SMARCA2: variants seen among roughly 807,000 people sequenced by gnomAD.
SMARCA2 encodes SWI/SNF related BAF chromatin remodeling complex subunit ATPase 2, also known as SWI/SNF-related matrix-associated actin-dependent regulator of chromatin subfamily A member 2.
In SMARCA2, 61 loss-of-function variants were observed where a neutral mutation model predicts 199.8. The ratio of observed to expected loss-of-function variants is 0.31; its 90% CI spans 0.25 to 0.38. The LOEUF (loss-of-function observed/expected upper bound fraction) is 0.38, where lower values mean the gene tolerates loss of function less well. Among genes scored for constraint, SMARCA2 ranks in the 10% least tolerant of loss-of-function variants. The pLI is 1.00. For missense variants in SMARCA2, 1,344 were observed against 2,012.2 expected, an observed-to-expected ratio of 0.67 and a Z score of 6.35; for synonymous variants, 935 against 732.0, an observed-to-expected ratio of 1.28 and a Z score of -4.48.
intron 1 of SMARCA2, among the ~76,000 whole-genome samples, chr9:2,023,449 A>G (rs1426188454): frequency 2.0e-5 from 3 of 152,230 alleles, no homozygotes; most frequent in Admixed American, 1.3e-4. Flanking sequence ...ACGAATGGGA[A>G]AGTGTTGTGA....
intron 18 of SMARCA2, among the ~76,000 whole-genome samples, chr9:2,087,892 C>T (rs1289780419): frequency 1.3e-5 from 2 of 152,096 alleles, no homozygotes; most frequent in Non-Finnish European, 2.9e-5. Flanking sequence ...ACTCTGCCCC[C>T]TAGAGGTTAA....
At chr9:2,080,077 G>C (rs1387120669) in intron 14 of SMARCA2, 1 of 152,294 alleles carries the variant, frequency 6.6e-6, no homozygotes, top group Non-Finnish European at 1.5e-5. Context: ...AGTTCAAGTT[G>C]TGGCTCAAAC....
intron 33 of SMARCA2, chr9:2,192,191 G>A (rs1287823123): frequency 1.1e-5 from 2 of 179,906 alleles, no homozygotes; most frequent in South Asian, 2.7e-4. Context: ...TCACTTTCCA[G>A]AGGATGGTTT....
Position 2,097,400 on chromosome 9 carries a change from A to G in SMARCA2, c.3007A>G (p.Lys1003Glu). The change falls in exon 21 of 34, where the codon AAG becomes GAG. Residue 1003 changes from lysine to glutamate, a missense_variant. By Grantham distance (56) the Lys-to-Glu change is moderately conservative. Transcript: ENST00000349721. ...TGGTTCTTAGGGGAAAGGAGGTGCT[A>G]AGACACTTATGAACACTATTATGCA... is the stretch of plus-strand genomic sequence containing the variant. ...EKDKKGKGGA[K>E]TLMNTIMQLR... 6.2e-7 allele frequency: 1 copy of G among 1,609,108 alleles called. No homozygotes were observed. Among genetic ancestry groups the G allele is most frequent in the Non-Finnish European group, 8.5e-7 (1 of 1,176,230 alleles).
intron 19 of SMARCA2, among the ~76,000 whole-genome samples, chr9:2,091,565 T>C (rs561130961): frequency 1.6e-4 from 25 of 152,214 alleles, no homozygotes; most frequent in Admixed American, 7.9e-4. Context: ...AAACTTTTCA[T>C]GTACAGGTTT....
chr9:2,168,487 A>G (rs768413876), intron 28 of SMARCA2, among the ~76,000 whole-genome samples: 1 of 152,204 alleles, frequency 6.6e-6, no homozygotes, highest in Non-Finnish European at 1.5e-5. Flanking sequence ...CCCATTCTCC[A>G]GAAGGGCAGG....
At chr9:2,154,233 A>C (rs1206188899) in intron 27 of SMARCA2, among the ~76,000 whole-genome samples, 1 of 152,208 alleles carries the variant, frequency 6.6e-6, no homozygotes, top group East Asian at 1.9e-4. Context: ...GGCTGTCAAC[A>C]CAGCAAACGT....
chr9:2,135,850 C>CT (rs921725252), intron 27 of SMARCA2, among the ~76,000 whole-genome samples: 6 of 150,856 alleles, frequency 4.0e-5, no homozygotes, highest in Non-Finnish European at 7.4e-5. Context: ...GCAACTTTTA[C>CT]TTTTTTTTTG....
At chr9:2,175,454 C>A (rs1176819616) in intron 29 of SMARCA2, among the ~76,000 whole-genome samples, 1 of 152,084 alleles carries the variant, frequency 6.6e-6, no homozygotes. Flanking sequence ...TTGCAACATA[C>A]AACATATTAA....
At chr9:2,085,544 C>A (rs929703206) in intron 17 of SMARCA2, among the ~76,000 whole-genome samples, 3 of 152,084 alleles carry the variant, frequency 2.0e-5, no homozygotes, top group Non-Finnish European at 4.4e-5. Context: ...TGTCTGCTTG[C>A]CTCTTTTCAT....
At chr9:2,136,179 C>A (rs907154673) in intron 27 of SMARCA2, among the ~76,000 whole-genome samples, 7 of 147,394 alleles carry the variant, frequency 4.7e-5, no homozygotes, top group Admixed American at 3.3e-4. Context: ...ATAATTATCC[C>A]CTGCTTCTTT....
chr9:2,039,794 G>A lies in SMARCA2; in HGVS notation c.684G>A (p.Gln228=), dbSNP rs1452991794. ...AGCAGCAACAGCAGCAGCAGCAGCA[G>A]CAGCAGCAGCAGCAGCAGCAGCAAC... The part of the protein sequence containing the change: ...QQQQQQQQQQ[Q]QQQQQQQQQQ... Residue 228 remains glutamine, a synonymous_variant, in exon 4 of 34, where the codon CAG becomes CAA. Transcript: ENST00000349721. The surrounding 1 kb of genome is among the most constrained non-coding windows in gnomAD (Gnocchi z 4.8). The A allele has an allele frequency of 8.5e-6, 13 of 1,525,452 alleles. No homozygotes were observed. Among genetic ancestry groups the A allele is most frequent in the Non-Finnish European group, 9.9e-6 (11 of 1,106,156 alleles). 94.5% of individuals were successfully genotyped at this position (1,525,452 alleles called of 1,614,324 possible).
intron 9 of SMARCA2, among the ~76,000 whole-genome samples, chr9:2,064,458 A>G (rs1288392112): frequency 6.6e-6 from 1 of 152,234 alleles, no homozygotes; most frequent in East Asian, 1.9e-4. Flanking sequence ...AGTAAACATT[A>G]TTTCATCAAG....
At position 2,182,145 on chromosome 9, in the gene SMARCA2, G is replaced by A; in HGVS notation, c.4364G>A (p.Arg1455Lys). The A allele has an allele frequency of 6.3e-7, 1 of 1,599,408 alleles. No homozygotes were observed. Among genetic ancestry groups the A allele is most frequent in the Non-Finnish European group, 8.6e-7 (1 of 1,167,630 alleles). Residue 1455 changes from arginine to lysine, a missense_variant, in exon 31 of 34, where the codon AGG (arginine) becomes AAG (lysine). Around this residue, in one of 18 missense-constraint regions of SMARCA2, gnomAD observed 151 missense variants for 154.0 expected, o/e 0.98. Coordinates refer to ENST00000349721, the MANE Select transcript of SMARCA2 (RefSeq NM_003070.5). ...TTTCTCCAAAATTTCCATCAGGAAA[G>A]GATTCGTAATCATAAGTACCGGAGC... ...KPVDFKKIKE[R>K]IRNHKYRSLG...
intron 27 of SMARCA2, among the ~76,000 whole-genome samples, chr9:2,142,982 A>T (rs991426180): frequency 6.6e-6 from 1 of 151,530 alleles, no homozygotes; most frequent in Non-Finnish European, 1.5e-5. Context: ...GATTTTTTTT[A>T]AGTTCTTAAA....
intron 27 of SMARCA2, among the ~76,000 whole-genome samples, chr9:2,143,961 A>C (rs560590636): frequency 6.6e-6 from 1 of 152,194 alleles, no homozygotes; most frequent in Non-Finnish European, 1.5e-5. Context: ...GAGAAAAGAC[A>C]TACAAAATGT....
intron 2 of SMARCA2, among the ~76,000 whole-genome samples, chr9:2,032,208 G>A (rs1345836333): frequency 6.6e-6 from 1 of 152,204 alleles, no homozygotes; most frequent in Non-Finnish European, 1.5e-5. Context: ...AGTTTGGGGA[G>A]GAATAGACTT....
chr9:2,103,115 T>C (rs1822600326), intron 22 of SMARCA2, among the ~76,000 whole-genome samples: 1 of 152,162 alleles, frequency 6.6e-6, no homozygotes, highest in Non-Finnish European at 1.5e-5. Flanking sequence ...TTTCAGGTTT[T>C]AGCTAAAATG....
chr9:2,175,555 A>AT (rs974862907), intron 29 of SMARCA2, among the ~76,000 whole-genome samples: 2 of 152,236 alleles, frequency 1.3e-5, no homozygotes, highest in African/African-American at 4.8e-5. Flanking sequence ...GCTTATGGTG[A>AT]TAAAAATAAA....
Sources: allele counts gnomAD v4.1 joint callset (sites outside exome capture counted in the v4.1 genomes callset), GRCh38; gene constraint gnomAD v4.1.1; regional missense constraint gnomAD v4.1.1; non-coding constraint Gnocchi (gnomAD v3.1); transcripts MANE v1.5; gene names NCBI Gene and HGNC (gene_info 2026-07-23, HGNC 2026-07-21).